Variants in CPPED1 observed in about 807,000 individuals in gnomAD.
The protein encoded by CPPED1 is serine/threonine-protein phosphatase CPPED1.
In CPPED1, 28 loss-of-function variants were observed where a neutral mutation model predicts 28.0. That is an observed-to-expected ratio of 1.00 (90% CI 0.74 to 1.37). The LOEUF (loss-of-function observed/expected upper bound fraction) is 1.37, where lower values mean the gene tolerates loss of function less well. CPPED1 is among the 40% of genes most tolerant of loss of function. The pLI is 0.00. For missense variants in CPPED1, 504 were observed against 416.5 expected, an observed-to-expected ratio of 1.21 and a Z score of -1.83; for synonymous variants, 198 against 180.2, an observed-to-expected ratio of 1.10 and a Z score of -0.79.
intron 2 of CPPED1, chr16:12,754,015 G>C (rs2080348305): frequency 6.6e-6 from 1 of 152,160 alleles, no homozygotes; most frequent in Non-Finnish European, 1.5e-5. Context: ...GGGGGTCTTG[G>C]TAGCCCTCCT....
At chr16:12,674,913 T>C (rs1327700662) in intron 3 of CPPED1, among the ~76,000 whole-genome samples, 1 of 152,152 alleles carries the variant, frequency 6.6e-6, no homozygotes, top group Non-Finnish European at 1.5e-5. Flanking sequence ...AGTACCAAGC[T>C]CCTCATCGCC....
chr16:12,777,903 C>CTTTTTTTTTTTT (rs67527035), intron 2 of CPPED1, among the ~76,000 whole-genome samples: 3 of 126,604 alleles, frequency 2.4e-5, no homozygotes, highest in Non-Finnish European at 3.4e-5. Context: ...TTTCTATTTT[C>CTTTTTTTTTTTT]TTTTTTTTTT....
intron 2 of CPPED1, among the ~76,000 whole-genome samples, chr16:12,767,717 G>A (rs1015331906): frequency 1.3e-5 from 2 of 152,180 alleles, no homozygotes. Flanking sequence ...CCAGCACTTG[G>A]GAGGCTGAGG....
intron 3 of CPPED1, among the ~76,000 whole-genome samples, chr16:12,697,244 C>T (rs375045984): frequency 2.6e-5 from 4 of 152,030 alleles, no homozygotes; most frequent in African/African-American, 4.8e-5. Flanking sequence ...AGGCTGGTCT[C>T]GAACTCCTGA....
intron 2 of CPPED1, among the ~76,000 whole-genome samples, chr16:12,776,940 G>A (rs116488132): frequency 0.01 from 1,595 of 152,152 alleles, 28 homozygotes; most frequent in African/African-American, 0.037. Flanking sequence ...TGTGCCTTTC[G>A]CCATCTGCCA....
chr16:12,731,155 ATTT>A (rs36018134), intron 2 of CPPED1, among the ~76,000 whole-genome samples: 3 of 136,974 alleles, frequency 2.2e-5, no homozygotes, highest in Admixed American at 7.4e-5. Context: ...AAAAAAAAAA[ATTT>A]TTTTTTTTTT....
rs574893854 is a variant in CPPED1, at chr16:12,682,120, G to A, written c.716-17005C>T. 6.6e-6 allele frequency among the ~76,000 whole-genome samples: 1 copy of A among 152,138 alleles called. No individual in the cohort carries two copies. Among genetic ancestry groups the A allele is most frequent in the African/African-American group, 2.4e-5 (1 of 41,506 alleles). ...GCGATCTTGGCTCACTGCAACTTGC[G>A]TATCCTGGGTTCAAGCAGTTCTCCC... On this transcript the variant is annotated intron_variant, in intron 3 of 3. Transcript: ENST00000381774. This position sits in a 1 kb window ranked among gnomAD's most constrained non-coding sequence, Gnocchi z 6.1.
At chr16:12,671,730 T>C (rs1025327176) in intron 3 of CPPED1, among the ~76,000 whole-genome samples, 2 of 152,070 alleles carry the variant, frequency 1.3e-5, no homozygotes, top group African/African-American at 4.8e-5. Context: ...AATGCTGTAT[T>C]TTCACTGTAC....
chr16:12,740,578 G>C (rs894025130), intron 2 of CPPED1, among the ~76,000 whole-genome samples: 1 of 152,068 alleles, frequency 6.6e-6, no homozygotes, highest in Admixed American at 6.6e-5. Context: ...GACAATAGAA[G>C]GGCCTCACAG....
At position 12,780,953 on chromosome 16, in the gene CPPED1, A is replaced by T. The variant is rs993427135; in HGVS notation, c.289+232T>A. The T allele has an allele frequency of 5.5e-6, 3 of 541,562 alleles. No homozygotes were observed. The Admixed American group carries it at 9.8e-5, about 18-fold the overall frequency. The allele number at this position is 541,562 out of a possible 1,614,324, so 33.5% of individuals were successfully genotyped here. ...TGTTCCATTTTTCATATTAAGCTCA[A>T]ATCATCAGAACTGTAGCTGTGCCTA... is the stretch of plus-strand genomic sequence containing the variant. On this transcript the variant is annotated intron_variant, in intron 2 of 3. Transcript: ENST00000381774.
chr16:12,781,202 A>G lies in CPPED1; in HGVS notation c.272T>C (p.Leu91Pro), dbSNP rs1257626404. The G allele has an allele frequency of 1.2e-6, 2 of 1,613,020 alleles. No homozygotes were observed. The highest frequency in any genetic ancestry group is 1.7e-6 in the Non-Finnish European group (2 of 1,179,592). ...KPKFFVLCGD[L>P]IHAMPGKPWR... ...AGTCTTACCTGGCATGGCGTGGATG[A>G]GGTCGCCGCACAGAACGAAGAATTT... Residue 91 changes from leucine (L) to proline (P), a missense_variant, in exon 2 of 4, where the codon CTC (leucine) becomes CCC (proline). Physicochemically the swap from Leu to Pro is moderately conservative, Grantham distance 98. Coordinates refer to ENST00000381774, the MANE Select transcript of CPPED1 (RefSeq NM_018340.3).
chr16:12,733,160 T>C (rs1203305855), intron 2 of CPPED1, among the ~76,000 whole-genome samples: 4 of 152,132 alleles, frequency 2.6e-5, no homozygotes, highest in Non-Finnish European at 5.9e-5. Context: ...AAATAAAGCA[T>C]GCAGGAAAAA....
chr16:12,696,328 A>G (rs2079990007), intron 3 of CPPED1, among the ~76,000 whole-genome samples: 1 of 152,152 alleles, frequency 6.6e-6, no homozygotes, highest in African/African-American at 2.4e-5. Flanking sequence ...CTAATGGATA[A>G]AGCACATTTG....
chr16:12,673,295 C>G (rs937413275), intron 3 of CPPED1, among the ~76,000 whole-genome samples: 1 of 152,158 alleles, frequency 6.6e-6, no homozygotes, highest in African/African-American at 2.4e-5. Context: ...CAAATGGGAC[C>G]GCGTAAGATC....
At chr16:12,705,231 C>T (rs1372295769) in intron 2 of CPPED1, among the ~76,000 whole-genome samples, 182 bp from the exon 3 acceptor site, 1 of 152,234 alleles carries the variant, frequency 6.6e-6, no homozygotes, top group African/African-American at 2.4e-5. Flanking sequence ...CCGACGGGGG[C>T]CTCTGCCCAT....
chr16:12,735,779 G>C (rs2080223820), intron 2 of CPPED1, among the ~76,000 whole-genome samples: 1 of 152,236 alleles, frequency 6.6e-6, no homozygotes, highest in South Asian at 2.1e-4. Context: ...CAGGGGAAGA[G>C]AACATGACTT....
At chr16:12,776,198 T>C (rs560529909) in intron 2 of CPPED1, among the ~76,000 whole-genome samples, 1 of 152,238 alleles carries the variant, frequency 6.6e-6, no homozygotes, top group Admixed American at 6.5e-5. Context: ...GGTGCAATGC[T>C]GCTGGCTTTG....
chr16:12,792,633 C>T (rs2080603420), intron 1 of CPPED1, among the ~76,000 whole-genome samples: 1 of 152,162 alleles, frequency 6.6e-6, no homozygotes, highest in Non-Finnish European at 1.5e-5. Flanking sequence ...ATAATTCCCA[C>T]ATGTCATGGG....
intron 1 of CPPED1, among the ~76,000 whole-genome samples, chr16:12,800,239 G>A (rs1267617230): frequency 6.6e-6 from 1 of 152,186 alleles, no homozygotes; most frequent in Non-Finnish European, 1.5e-5. Flanking sequence ...AGGAGTCCCA[G>A]ACCAGCCTGG....
Sources: gnomAD v4.1 joint callset for allele counts (sites outside exome capture counted in the v4.1 genomes callset) on GRCh38, gnomAD v4.1.1 for gene constraint, Gnocchi (gnomAD v3.1) non-coding constraint, MANE v1.5 for transcripts, NCBI Gene and HGNC (gene_info 2026-07-23, HGNC 2026-07-21) for gene names.